The following PKNOX2 variants were observed in gnomAD, a reference collection of about 807,000 sequenced individuals.
PKNOX2 encodes PBX/knotted 1 homeobox 2.
Under a neutral mutation model 53.1 loss-of-function variants are expected in PKNOX2, and 14 were observed. The ratio of observed to expected loss-of-function variants is 0.26; its 90% CI spans 0.17 to 0.41. PKNOX2 has a LOEUF of 0.41. Ranked by LOEUF, PKNOX2 falls within the 10% of genes least tolerant of loss-of-function variation. PKNOX2 has a pLI of 1.00. For missense variants in PKNOX2, 496 were observed against 602.8 expected, an observed-to-expected ratio of 0.82 and a Z score of 1.85; for synonymous variants, 257 against 242.8, an observed-to-expected ratio of 1.06 and a Z score of -0.54.
At chr11:125,409,519 C>T (rs1955356801) in intron 7 of PKNOX2, among the ~76,000 whole-genome samples, 1 of 152,058 alleles carries the variant, frequency 6.6e-6, no homozygotes, top group Admixed American at 6.5e-5. Context: ...TATGGGAAGG[C>T]TAGGGCGGCT....
chr11:125,328,700 A>AGGCAC (rs1418458274), intron 2 of PKNOX2, among the ~76,000 whole-genome samples: 1 of 152,202 alleles, frequency 6.6e-6, no homozygotes, highest in Non-Finnish European at 1.5e-5. Flanking sequence ...TTACTACTGC[A>AGGCAC]GGCACTCTCT....
intron 2 of PKNOX2, among the ~76,000 whole-genome samples, chr11:125,270,738 C>T (rs928715395): frequency 1.3e-5 from 2 of 152,218 alleles, no homozygotes; most frequent in Non-Finnish European, 2.9e-5. Flanking sequence ...GGCACCCAGG[C>T]CCCAGCCCAC....
At chr11:125,381,623 G>C (rs540982123) in intron 5 of PKNOX2, among the ~76,000 whole-genome samples, 1 of 152,078 alleles carries the variant, frequency 6.6e-6, no homozygotes, top group Non-Finnish European at 1.5e-5. Context: ...GGAGGTGCAT[G>C]TTCCCTGCTG....
At position 125,400,286 on chromosome 11, in the gene PKNOX2, G is replaced by T. The variant is rs766660588; in HGVS notation, c.588+2224G>T. Among the ~76,000 whole-genome samples, 5 of 152,156 alleles carry T rather than the reference G, an allele frequency of 3.3e-5. No individual in the cohort carries two copies. The South Asian group carries it at 6.2e-4, about 19-fold the overall frequency. On this transcript the variant is annotated intron_variant, in intron 7 of 12. Transcript: ENST00000298282. The stretch of plus-strand genomic sequence containing the variant: ...TTCTCTGACTGCCACCACCTGCTTT[G>T]TTCTGGCTTCGGGGGTAAATACGGT...
In PKNOX2 at chr11:125,278,450, G is replaced by A. The variant is rs148990930; in HGVS notation, c.-130+43335G>A. 4.6e-5 allele frequency among the ~76,000 whole-genome samples: 7 copies of A among 152,280 alleles called. No individual in the cohort carries two copies. The East Asian group carries it at 5.8e-4, about 13-fold the overall frequency. Reference sequence around the variant, plus strand: ...CCAAAGGCAGTGGGAGCAGCCTGGCGCTGAGTGTCTACCCAGCAGTGCATC... The same window carrying A: ...CCAAAGGCAGTGGGAGCAGCCTGGCACTGAGTGTCTACCCAGCAGTGCATC... On this transcript the variant is annotated intron_variant, in intron 2 of 12. Coordinates refer to ENST00000298282, the MANE Select transcript of PKNOX2 (RefSeq NM_001382323.2).
chr11:125,431,364 G>T lies in PKNOX2; in HGVS notation c.1391G>T (p.Gly464Val). 1 of 1,612,572 alleles carries T rather than the reference G, an allele frequency of 6.2e-7. No individual in the cohort carries two copies. The highest frequency in any genetic ancestry group is 8.5e-7 in the Non-Finnish European group (1 of 1,179,392). The change falls in exon 13 of 13, where the codon GGC becomes GTC. Residue 464 changes from glycine to valine, a missense_variant. Physicochemically the swap from Gly to Val is moderately radical, Grantham distance 109. Transcript: ENST00000298282. ...CAGACGACAAATGTCAGCGACCTGG[G>T]CTTGGAACACAGTGACTCCCTGGAG... ...ELQTTNVSDL[G>V]LEHSDSLE
At position 125,333,549 on chromosome 11, in the gene PKNOX2, T is replaced by C. The variant is rs12362037; in HGVS notation, c.-23+1624T>C. Among the ~76,000 whole-genome samples, 336 of 142,302 alleles carry C rather than the reference T, an allele frequency of 2.4e-3. 2 individuals carry two copies. The highest frequency in any genetic ancestry group is 7.7e-3 in the African/African-American group (306 of 39,784). The allele number at this position is 142,302 out of a possible 152,430, so 93.4% of individuals were successfully genotyped here. On this transcript the variant is annotated intron_variant, in intron 3 of 12. Transcript: ENST00000298282. ...CTCAGTCCCAAGACACACACACACA[T>C]ACACACACACACACACACACACACA...
rs557283485 is a variant in PKNOX2 at position 125,213,721 on chromosome 11, G to A, written c.-200-21324G>A. On this transcript the variant is annotated intron_variant, in intron 1 of 12. Transcript: ENST00000298282. ...GATCTGCCCGCCATGGCCTCCCAAA[G>A]TGCTGGGATTACAGGCGTGAGCCAC... Among the ~76,000 whole-genome samples the A allele has an allele frequency of 6.7e-4, 102 of 152,234 alleles. 1 individual carries two copies. The highest frequency in any genetic ancestry group is 2.3e-3 in the African/African-American group (97 of 41,542).
intron 2 of PKNOX2, among the ~76,000 whole-genome samples, chr11:125,322,810 G>A (rs1232612134): frequency 2.6e-5 from 4 of 152,164 alleles, no homozygotes; most frequent in Admixed American, 6.5e-5. Flanking sequence ...GACCTTAGCC[G>A]AGACAGTTAA....
intron 5 of PKNOX2, among the ~76,000 whole-genome samples, chr11:125,377,484 G>C (rs1348713313): frequency 6.6e-6 from 1 of 152,184 alleles, no homozygotes; most frequent in African/African-American, 2.4e-5. Flanking sequence ...AGGAGCAGCA[G>C]GAAGAAAGTC....
In PKNOX2 at chr11:125,429,960, C is replaced by A; in HGVS notation, c.1014-3C>A. The A allele has an allele frequency of 6.2e-7, 1 of 1,613,434 alleles. No homozygotes were observed. Among genetic ancestry groups the A allele is most frequent in the Non-Finnish European group, 8.5e-7 (1 of 1,179,594 alleles). ...ACCAGGTCTCCACTTTACCTCTGGG[C>A]AGGTTCATCAATGCCCGGAGGCGCA... On this transcript the variant is annotated splice_polypyrimidine_tract_variant and splice_region_variant and intron_variant, in intron 11 of 12. Transcript: ENST00000298282.
chr11:125,266,969 T>C (rs1015779739), intron 2 of PKNOX2, among the ~76,000 whole-genome samples: 1 of 152,236 alleles, frequency 6.6e-6, no homozygotes, highest in Non-Finnish European at 1.5e-5. Flanking sequence ...TATCTCCCTT[T>C]TGATTTTTCT....
At chr11:125,183,850 C>T (rs1257401531) in intron 1 of PKNOX2, among the ~76,000 whole-genome samples, 2 of 152,054 alleles carry the variant, frequency 1.3e-5, no homozygotes, top group Non-Finnish European at 2.9e-5. Context: ...TCATTCAGTG[C>T]CAGTGTGGTC....
At chr11:125,225,641 T>A (rs1941619470) in intron 1 of PKNOX2, among the ~76,000 whole-genome samples, 1 of 152,184 alleles carries the variant, frequency 6.6e-6, no homozygotes, top group South Asian at 2.1e-4. Context: ...CTGGCGACCC[T>A]GGCTTAGTCA....
rs753492042 is a variant in PKNOX2 at position 125,385,540 on chromosome 11, T to A, written c.228-11T>A. 3 of 1,602,216 alleles carry A rather than the reference T, an allele frequency of 1.9e-6. No homozygotes were observed. Among genetic ancestry groups the A allele is most frequent in the Non-Finnish European group, 2.6e-6 (3 of 1,175,558 alleles). On this transcript the variant is annotated splice_polypyrimidine_tract_variant and intron_variant, in intron 5 of 12. Coordinates refer to ENST00000298282, the MANE Select transcript of PKNOX2 (RefSeq NM_001382323.2). ...TGTGTGCGCATGTGTGAGCTCTTGA[T>A]GTCCCTGCAGGCACCCTCTTTTCCC...
chr11:125,406,115 G>A (rs960331030), intron 7 of PKNOX2, among the ~76,000 whole-genome samples: 3 of 152,214 alleles, frequency 2.0e-5, no homozygotes, highest in Non-Finnish European at 2.9e-5. Context: ...CCTGGGTTTG[G>A]AGTCTGATAA....
intron 2 of PKNOX2, among the ~76,000 whole-genome samples, chr11:125,309,933 G>A (rs12271474): frequency 0.23 from 35,016 of 152,046 alleles, 4,710 homozygotes; most frequent in East Asian, 0.52. Flanking sequence ...GAATTCTACT[G>A]ACCAACATTG....
chr11:125,376,795 G>A (rs1952869988), intron 5 of PKNOX2, among the ~76,000 whole-genome samples: 1 of 152,222 alleles, frequency 6.6e-6, no homozygotes, highest in Non-Finnish European at 1.5e-5. Flanking sequence ...GTCACCGACT[G>A]GAGGAGCCCA....
At chr11:125,322,406 G>A (rs1387509256) in intron 2 of PKNOX2, among the ~76,000 whole-genome samples, 1 of 152,110 alleles carries the variant, frequency 6.6e-6, no homozygotes, top group Non-Finnish European at 1.5e-5. Flanking sequence ...CCCCTCCACT[G>A]CCTGTCCTCT....
Sources: gnomAD v4.1 joint callset for allele counts (sites outside exome capture counted in the v4.1 genomes callset) on GRCh38, gnomAD v4.1.1 for gene constraint, MANE v1.5 for transcripts, NCBI Gene and HGNC (gene_info 2026-07-23, HGNC 2026-07-21) for gene names.